The following SGK3 variants were observed in gnomAD, a reference collection of about 807,000 sequenced individuals.
SGK3 encodes the protein serum/glucocorticoid regulated kinase family member 3.
Under a neutral mutation model 68.5 loss-of-function variants are expected in SGK3, and 47 were observed. The ratio of observed to expected loss-of-function variants is 0.69; its 90% CI spans 0.54 to 0.87. The LOEUF (loss-of-function observed/expected upper bound fraction) is 0.87, where lower values mean the gene tolerates loss of function less well. Ranked by LOEUF, SGK3 falls within the 40% of genes least tolerant of loss-of-function variation. The probability of loss-of-function intolerance (pLI) is 0.00; values close to 1 mark genes in which losing one functional copy is unlikely to be tolerated. For synonymous variants in SGK3, 181 were observed against 189.1 expected, an observed-to-expected ratio of 0.96 and a Z score of 0.35; for missense variants, 479 against 575.5, an observed-to-expected ratio of 0.83 and a Z score of 1.72.
At chr8:66,839,495 G>GGA (rs1175824564) in intron 10 of SGK3, among the ~76,000 whole-genome samples, 1 of 44,954 alleles carries the variant, frequency 2.2e-5, no homozygotes, top group East Asian at 6.4e-4. Flanking sequence ...TTATATGTAT[G>GGA]GAGATATATA....
intron 4 of SGK3, among the ~76,000 whole-genome samples, chr8:66,806,456 C>A (rs1191197760): frequency 6.6e-6 from 1 of 152,152 alleles, no homozygotes; most frequent in Non-Finnish European, 1.5e-5. Context: ...AGATTATATT[C>A]TGTAGACCTG....
intron 1 of SGK3, among the ~76,000 whole-genome samples, chr8:66,725,635 AT>A (rs959356122): frequency 2.0e-4 from 29 of 147,654 alleles, no homozygotes; most frequent in East Asian, 1.2e-3. Context: ...TTGTGTTTTA[AT>A]TTTTTTTTTT....
intron 1 of SGK3, chr8:66,767,401 A>T: frequency 2.4e-6 from 3 of 1,273,570 alleles, no homozygotes; most frequent in Non-Finnish European, 3.4e-6. Context: ...AGAAATTTAA[A>T]TATCTATGTC....
At chr8:66,840,805 G>A (rs867676718) in intron 12 of SGK3, 2 of 304,304 alleles carry the variant, frequency 6.6e-6, no homozygotes, top group Non-Finnish European at 1.2e-5. Context: ...AAATTAGCCA[G>A]GTGGCACGCG....
intron 5 of SGK3, 138 bp from the exon 6 acceptor site, chr8:66,822,234 A>G (rs973421392): frequency 1.2e-5 from 8 of 660,746 alleles, no homozygotes; most frequent in Non-Finnish European, 1.8e-5. Flanking sequence ...ATTTATAATA[A>G]TGAATATTAA....
At chr8:66,805,507 G>A (rs1312738841) in intron 4 of SGK3, among the ~76,000 whole-genome samples, 1 of 145,480 alleles carries the variant, frequency 6.9e-6, no homozygotes, top group Non-Finnish European at 1.5e-5. Flanking sequence ...GCGACAGAGC[G>A]AGACTTCATC....
intron 1 of SGK3, among the ~76,000 whole-genome samples, chr8:66,742,538 G>A (rs1805513758): frequency 6.6e-6 from 1 of 151,812 alleles, no homozygotes; most frequent in South Asian, 2.1e-4. Flanking sequence ...GGCTGATTTT[G>A]ATATTTTTTG....
At chr8:66,739,510 TC>T (rs1435764720) in intron 1 of SGK3, among the ~76,000 whole-genome samples, 2 of 152,180 alleles carry the variant, frequency 1.3e-5, no homozygotes, top group Non-Finnish European at 2.9e-5. Context: ...TTCTCCTGCC[TC>T]AGCCTCTCAA....
chr8:66,720,832 G>T (rs1485119055), intron 1 of SGK3, among the ~76,000 whole-genome samples: 4 of 151,436 alleles, frequency 2.6e-5, no homozygotes, highest in South Asian at 4.2e-4. Context: ...TGTGGCCCCA[G>T]CTACTGGGAA....
At chr8:66,716,038 G>A (rs140399049) in intron 1 of SGK3, among the ~76,000 whole-genome samples, 137 of 152,166 alleles carry the variant, frequency 9.0e-4, no homozygotes, top group African/African-American at 3.1e-3. Context: ...AAAAATTAAT[G>A]TAAATTACTG....
intron 14 of SGK3, among the ~76,000 whole-genome samples, chr8:66,845,426 A>G (rs1031173700): frequency 4.6e-5 from 7 of 152,224 alleles, no homozygotes; most frequent in African/African-American, 1.7e-4. Flanking sequence ...AAAAAAAGTC[A>G]TATTTTAAAA....
At chr8:66,723,109 ATATATATATATATATATATATATTT>A (rs1361496876) in intron 1 of SGK3, among the ~76,000 whole-genome samples, 4 of 42,318 alleles carry the variant, frequency 9.5e-5, no homozygotes, top group South Asian at 1.5e-3. Flanking sequence ...ATATATATAT[ATATATATATATATATATATATATTT>A]TTTTTTTTTT....
At chr8:66,741,842 A>G (rs1331256731) in intron 1 of SGK3, among the ~76,000 whole-genome samples, 2 of 152,252 alleles carry the variant, frequency 1.3e-5, no homozygotes, top group African/African-American at 4.8e-5. Flanking sequence ...GTAATAATCA[A>G]GATCAACATA....
At chr8:66,816,452 T>G (rs977741869) in intron 5 of SGK3, among the ~76,000 whole-genome samples, 2 of 150,884 alleles carry the variant, frequency 1.3e-5, no homozygotes, top group Non-Finnish European at 3.0e-5. Flanking sequence ...TTCAAGTGAT[T>G]CTCCTACCTC....
In SGK3 at chr8:66,832,044, G is replaced by A. The variant is rs543895094; in HGVS notation, c.525+733G>A. 2.0e-5 allele frequency among the ~76,000 whole-genome samples: 3 copies of A among 152,096 alleles called. No homozygotes were observed. The South Asian group carries it at 6.2e-4, about 32-fold the overall frequency. On this transcript the variant is annotated intron_variant, in intron 8 of 16. Coordinates refer to ENST00000521198, the MANE Select transcript of SGK3 (RefSeq NM_001033578.3). ...ATGACAAAGGACAATAGGCAGCTGA[G>A]GGAAGATTCCCACTTACATAGCTTC... is the stretch of plus-strand genomic sequence containing the variant.
chr8:66,773,274 G>A (rs1315655864), intron 1 of SGK3, among the ~76,000 whole-genome samples: 1 of 152,218 alleles, frequency 6.6e-6, no homozygotes, highest in Non-Finnish European at 1.5e-5. Flanking sequence ...TTTATACAGA[G>A]ATGGCAGTGA....
At chr8:66,813,753 A>T in intron 4 of SGK3, 100 bp from the exon 5 acceptor site, 1 of 992,988 alleles carries the variant, frequency 1.0e-6, no homozygotes, top group Non-Finnish European at 1.4e-6. Context: ...ATAGCTTCTT[A>T]ATCAAAATTC....
chr8:66,729,167 CGA>C, intron 1 of SGK3, among the ~76,000 whole-genome samples: 1 of 145,370 alleles, frequency 6.9e-6, no homozygotes, highest in Middle Eastern at 3.9e-3. Flanking sequence ...TGCAGTGAGC[CGA>C]GATCGCGCCT....
chr8:66,746,965 C>T (rs770197613), intron 1 of SGK3, among the ~76,000 whole-genome samples: 6 of 151,930 alleles, frequency 3.9e-5, no homozygotes, highest in Non-Finnish European at 7.4e-5. Flanking sequence ...AAGATGAAAT[C>T]CTGATGGAAG....
Sources: allele counts gnomAD v4.1 joint callset (sites outside exome capture counted in the v4.1 genomes callset), GRCh38; gene constraint gnomAD v4.1.1; transcripts MANE v1.5; gene names NCBI Gene and HGNC (gene_info 2026-07-23, HGNC 2026-07-21).